The following BTNL9 variants were observed in gnomAD, a reference collection of about 807,000 sequenced individuals.
The protein encoded by BTNL9 is butyrophilin like 9, also known as butyrophilin-like protein 9.
A neutral mutation model predicts 45.8 loss-of-function variants in BTNL9; 45 were observed. The ratio of observed to expected loss-of-function variants is 0.98; its 90% confidence interval spans 0.77 to 1.26. The LOEUF (loss-of-function observed/expected upper bound fraction) is 1.26. Among genes scored for constraint, BTNL9 ranks in the 50% most tolerant of loss-of-function variants. The pLI is 0.00. For missense variants in BTNL9, 784 were observed against 729.7 expected, an observed-to-expected ratio of 1.07 and a Z score of -0.86; for synonymous variants, 346 against 330.8, an observed-to-expected ratio of 1.05 and a Z score of -0.50.
In BTNL9 at chr5:181,050,683, G is replaced by GT. The variant is rs769711878; in HGVS notation, c.736+315dup. On this transcript the variant is annotated intron_variant, in intron 4 of 10. Coordinates refer to ENST00000327705, the MANE Select transcript of BTNL9 (RefSeq NM_152547.5). This position sits in a 1 kb window ranked among gnomAD's most constrained non-coding sequence, Gnocchi z 4.9. ...GATTCGTAATGCTGTCTCTCAAACA[G>GT]TATGTATTGAGTTTCCACAACGTGA... Among the ~76,000 whole-genome samples the GT allele has an allele frequency of 3.2e-4, 48 of 152,320 alleles. No homozygotes were observed. Among genetic ancestry groups the GT allele is most frequent in the Non-Finnish European group, 4.7e-4 (32 of 68,032 alleles).
At position 181,059,506 on chromosome 5, in the gene BTNL9, G is replaced by T. The variant is rs376707332; in HGVS notation, c.1252G>T (p.Gly418Cys). ...GCCTGCGCGCCTGAGCCCTGCGGCCGGCTACTGGGTGCTGGGGCTGTGGAA... is the reference window on the plus strand; with the variant it reads ...GCCTGCGCGCCTGAGCCCTGCGGCCTGCTACTGGGTGCTGGGGCTGTGGAA... ...AGPARLSPAA[G>C]YWVLGLWNGC... The change falls in exon 11 of 11, where the codon GGC becomes TGC. Residue 418 changes from glycine to cysteine, a missense_variant. Gly to Cys is a radical substitution (Grantham distance 159, BLOSUM62 -3). Transcript: ENST00000327705. 2.2e-4 allele frequency: 349 copies of T among 1,584,866 alleles called. No individual in the cohort carries two copies. The highest frequency in any genetic ancestry group is 2.8e-4 in the Non-Finnish European group (329 of 1,169,110).
intron 10 of BTNL9, among the ~76,000 whole-genome samples, chr5:181,058,623 C>A (rs753071405): frequency 6.6e-6 from 1 of 152,102 alleles, no homozygotes; most frequent in Non-Finnish European, 1.5e-5. Context: ...AGGTTTGTTT[C>A]CATCTGGCTT....
At chr5:181,058,652 G>C (rs1386052468) in intron 10 of BTNL9, among the ~76,000 whole-genome samples, 1 of 152,122 alleles carries the variant, frequency 6.6e-6, no homozygotes, top group Admixed American at 6.6e-5. Flanking sequence ...TTGCAGGCGA[G>C]AGTGCAGAGT....
intron 3 of BTNL9, among the ~76,000 whole-genome samples, chr5:181,048,793 GTTATATA>G (rs1761350298): frequency 4.7e-4 from 1 of 2,110 alleles, no homozygotes; most frequent in Admixed American, 6.0e-3. Context: ...TAATTATATA[GTTATATA>G]TTATATAATT....
At chr5:181,041,497 C>T (rs980302226) in intron 1 of BTNL9, among the ~76,000 whole-genome samples, 3 of 152,180 alleles carry the variant, frequency 2.0e-5, no homozygotes, top group African/African-American at 7.2e-5. Flanking sequence ...TCTTTTTCTC[C>T]ATTCTTGCTT....
chr5:181,045,436 G>C, intron 1 of BTNL9, 31 bp from the exon 2 acceptor site: 1 of 1,185,940 alleles, frequency 8.4e-7, no homozygotes, highest in Non-Finnish European at 1.3e-6. Flanking sequence ...ACCTTTGCAC[G>C]TCGCTCCAGC....
In BTNL9 at chr5:181,061,152, GT is replaced by G. The variant is rs1410444752; in HGVS notation, c.*1295del. ...TCTTGTTCTTAGCAAACATACTGAA[GT>G]TTTTAGATATTAATTACCACAGTGT... On this transcript the variant is annotated 3_prime_UTR_variant, in exon 11 of 11. Coordinates refer to ENST00000327705, the MANE Select transcript of BTNL9 (RefSeq NM_152547.5). The G allele has an allele frequency of 1.3e-5, 2 of 152,328 alleles. No homozygotes were observed. Among genetic ancestry groups the G allele is most frequent in the Middle Eastern group, 3.4e-3 (1 of 294 alleles). 9.4% of individuals were successfully genotyped at this position (152,328 alleles called of 1,614,324 possible).
Position 181,059,419 on chromosome 5 carries a change from C to CACGTGGGCCGCCGCAGCCGCTGGT in BTNL9, c.1166_1189dup (p.Trp396_Phe397insTyrValGlyArgArgSerArgTrp). The stretch of plus-strand genomic sequence containing the variant: ...CGCCGGCCGCCACTACTGGGAGGTG[C>CACGTGGGCCGCCGCAGCCGCTGGT]ACGTGGGCCGCCGCAGCCGCTGGTT... On this transcript the variant is annotated inframe_insertion, in exon 11 of 11. Coordinates refer to ENST00000327705, the MANE Select transcript of BTNL9 (RefSeq NM_152547.5). The CACGTGGGCCGCCGCAGCCGCTGGT allele has an allele frequency of 1.3e-6, 2 of 1,484,598 alleles. No individual in the cohort carries two copies. The highest frequency in any genetic ancestry group is 1.8e-6 in the Non-Finnish European group (2 of 1,121,746). The allele number at this position is 1,484,598 out of a possible 1,614,324, so 92.0% of individuals were successfully genotyped here.
intron 10 of BTNL9, 40 bp downstream of exon 10, chr5:181,058,418 C>T (rs1761990327): frequency 5.6e-6 from 9 of 1,613,904 alleles, no homozygotes; most frequent in Non-Finnish European, 6.8e-6. Flanking sequence ...TTTGGTTTGG[C>T]CGGATCTTAA....
chr5:181,059,299 A>G lies in BTNL9; in HGVS notation c.1045A>G (p.Ser349Gly). ...PSLEVSEDGK[S>G]VSSRGAPPGP... ...CCTGGAGGTGTCGGAGGATGGCAAGAGCGTGTCTTCCCGCGGGGCGCCGCC... is the reference window on the plus strand; with the variant it reads ...CCTGGAGGTGTCGGAGGATGGCAAGGGCGTGTCTTCCCGCGGGGCGCCGCC... The change falls in exon 11 of 11, where the codon AGC becomes GGC. Residue 349 changes from serine to glycine, a missense_variant. Coordinates refer to ENST00000327705, the MANE Select transcript of BTNL9 (RefSeq NM_152547.5). 6.4e-7 allele frequency: 1 copy of G among 1,568,720 alleles called. No individual in the cohort carries two copies. The highest frequency in any genetic ancestry group is 1.2e-5 in the South Asian group (1 of 86,484).
chr5:181,059,109 G>T lies in BTNL9; in HGVS notation c.983-128G>T. 3 of 1,386,736 alleles carry T rather than the reference G, an allele frequency of 2.2e-6. No individual in the cohort carries two copies. The South Asian group carries it at 4.7e-5, about 22-fold the overall frequency. The allele number at this position is 1,386,736 out of a possible 1,614,324, so 85.9% of individuals were successfully genotyped here. A position where few individuals can be genotyped will look rare whatever the true frequency, so the allele number is the denominator to read the frequency against. ...TGGGGAGGGGGTTTGCAGGGGTGAG[G>T]GTCGGGGTAAGGGGTTCATTTCCTC... On this transcript the variant is annotated intron_variant, in intron 10 of 10. Coordinates refer to ENST00000327705, the MANE Select transcript of BTNL9 (RefSeq NM_152547.5).
rs1237673895 is a variant in BTNL9, at chr5:181,045,497, AC to A, written c.10del (p.Leu4SerfsTer8). On this transcript the variant is annotated frameshift_variant, in exon 2 of 11. Coordinates refer to ENST00000327705, the MANE Select transcript of BTNL9 (RefSeq NM_152547.5). LOFTEE classifies it high-confidence loss of function. The stretch of plus-strand genomic sequence containing the variant: ...CCCCACTGCTGACGAGAGATGGTGG[AC>A]CTCTCAGTCTCCCCAGACTCCTTGA... MV[D>X]LSVSPDSLKP... 1 of 1,604,510 alleles carries A rather than the reference AC, an allele frequency of 6.2e-7. No individual in the cohort carries two copies.
chr5:181,049,454 G>A (rs1761414973), intron 3 of BTNL9, among the ~76,000 whole-genome samples: 1 of 152,174 alleles, frequency 6.6e-6, no homozygotes, highest in African/African-American at 2.4e-5. Flanking sequence ...AAAGTAAGAT[G>A]CAAGGTTCGA....
At position 181,055,739 on chromosome 5, in the gene BTNL9, A is replaced by T. The variant is rs937397874; in HGVS notation, c.929-250A>T. On this transcript the variant is annotated intron_variant, in intron 8 of 10. Transcript: ENST00000327705. This position sits in a 1 kb window ranked among gnomAD's most constrained non-coding sequence, Gnocchi z 4.4. ...AGCCGAGATGGCGCCACTGCACTCC[A>T]GCCTGGGCGACAGAGCGAGACTCTG... The T allele has an allele frequency of 7.1e-6, 5 of 703,584 alleles. No homozygotes were observed. Among genetic ancestry groups the T allele is most frequent in the Non-Finnish European group, 1.3e-5 (5 of 388,418 alleles). 43.6% of individuals were successfully genotyped at this position (703,584 alleles called of 1,614,324 possible).
chr5:181,045,383 A>G, intron 1 of BTNL9, 84 bp from the exon 2 acceptor site: 1 of 737,834 alleles, frequency 1.4e-6, no homozygotes, highest in Non-Finnish European at 2.4e-6. Context: ...AACTGAGGCC[A>G]CAACAGACTT....
chr5:181,056,171 G>T (rs1163518828), intron 9 of BTNL9, among the ~76,000 whole-genome samples, 156 bp downstream of exon 9: 3 of 152,156 alleles, frequency 2.0e-5, no homozygotes, highest in African/African-American at 7.2e-5. Flanking sequence ...GTCATACTCT[G>T]TCCTGAGGAC....
intron 1 of BTNL9, among the ~76,000 whole-genome samples, chr5:181,043,232 ATGTGTGTGTCTGTGTG>A (rs1561972704): frequency 0.097 from 4,137 of 42,570 alleles, 183 homozygotes; most frequent in African/African-American, 0.28. Flanking sequence ...GTGTGTGTCT[ATGTGTGTGTCTGTGTG>A]TGTGTGCATG....
At chr5:181,052,237 G>A (rs772670292) in intron 4 of BTNL9, among the ~76,000 whole-genome samples, 9 of 152,192 alleles carry the variant, frequency 5.9e-5, no homozygotes, top group Non-Finnish European at 1.0e-4. Flanking sequence ...AACAAATGCC[G>A]TCTGATTCCA....
At chr5:181,043,292 CTG>C (rs532467280) in intron 1 of BTNL9, 3,754 of 148,902 alleles carry the variant, frequency 0.025, 48 homozygotes, top group Middle Eastern at 0.052. Flanking sequence ...GTGTGTGTGT[CTG>C]TGTGTGTGTG....
Sources: allele counts gnomAD v4.1 joint callset (sites outside exome capture counted in the v4.1 genomes callset), GRCh38; gene constraint gnomAD v4.1.1; non-coding constraint Gnocchi (gnomAD v3.1); transcripts MANE v1.5; gene names NCBI Gene and HGNC (gene_info 2026-07-23, HGNC 2026-07-21).